The following PARP4 variants were observed in gnomAD, a reference collection of about 807,000 sequenced individuals.
The protein encoded by PARP4 is protein mono-ADP-ribosyltransferase PARP4.
A neutral mutation model predicts 187.7 loss-of-function variants in PARP4; 120 were observed. The observed-to-expected ratio is 0.64, with a 90% CI of 0.55 to 0.74. The LOEUF (loss-of-function observed/expected upper bound fraction) is 0.74. Among genes scored for constraint, PARP4 ranks in the 30% least tolerant of loss-of-function variants. The probability of loss-of-function intolerance (pLI) is 0.00; values close to 1 mark genes in which losing one functional copy is unlikely to be tolerated. For missense variants in PARP4, 1,836 were observed against 2,070.5 expected, an observed-to-expected ratio of 0.89 and a Z score of 2.20; for synonymous variants, 654 against 740.9, an observed-to-expected ratio of 0.88 and a Z score of 1.90.
chr13:24,490,822 T>G lies in PARP4; in HGVS notation c.1060A>C (p.Arg354=). The G allele has an allele frequency of 1.2e-6, 2 of 1,612,818 alleles. No individual in the cohort carries two copies. The highest frequency in any genetic ancestry group is 1.7e-6 in the Non-Finnish European group (2 of 1,179,306). Residue 354 remains arginine (R), a synonymous_variant, in exon 10 of 34, where the codon AGA becomes CGA. Coordinates refer to ENST00000381989, the MANE Select transcript of PARP4 (RefSeq NM_006437.4). ...GTTTCACAGACATTAACCATGTCTC[T>G]TATTAGCTGTAGGTGGAAATAATAC... ...AKKADLCQLI[R]DMVNVCETNL...
At chr13:24,428,956 G>A (rs1477823862) in intron 32 of PARP4, among the ~76,000 whole-genome samples, 2 of 152,150 alleles carry the variant, frequency 1.3e-5, no homozygotes, top group East Asian at 1.9e-4. Context: ...TTACACAAAT[G>A]TTAAACCTTT....
At chr13:24,440,813 G>A (rs1218867725) in intron 30 of PARP4, among the ~76,000 whole-genome samples, 2 of 152,120 alleles carry the variant, frequency 1.3e-5, no homozygotes, top group African/African-American at 4.8e-5. Flanking sequence ...AAAATAAAAA[G>A]GAATCTCATG....
At chr13:24,425,081 T>A (rs1223591880) in intron 33 of PARP4, among the ~76,000 whole-genome samples, 2 of 152,040 alleles carry the variant, frequency 1.3e-5, no homozygotes, top group Admixed American at 6.5e-5. Flanking sequence ...GCGGGAGGAT[T>A]GCTTGAGTTC....
At chr13:24,461,847 T>C (rs1001287932) in intron 17 of PARP4, among the ~76,000 whole-genome samples, 1 of 152,080 alleles carries the variant, frequency 6.6e-6, no homozygotes, top group African/African-American at 2.4e-5. Context: ...AGCCTTCCTT[T>C]CTAGCCCTGT....
chr13:24,475,386 C>T lies in PARP4; in HGVS notation c.1914+86G>A, dbSNP rs199703749. The T allele has an allele frequency of 3.2e-6, 4 of 1,232,858 alleles. No homozygotes were observed. In the East Asian group the frequency reaches 9.4e-5, roughly 29 times the overall value. 76.4% of individuals were successfully genotyped at this position (1,232,858 alleles called of 1,614,324 possible). On this transcript the variant is annotated intron_variant, in intron 15 of 33. Transcript: ENST00000381989. ...ATACATTTTAGAAATCTATCTATTC[C>T]CTTCAGTTCATGCAACTGCAATCAA...
At chr13:24,504,340 A>T in intron 1 of PARP4, among the ~76,000 whole-genome samples, 1 of 130,760 alleles carries the variant, frequency 7.6e-6, no homozygotes, top group South Asian at 2.4e-4. Context: ...TGGAGACGGA[A>T]TCTCACTCTG....
Position 24,478,212 on chromosome 13 carries a change from C to A in PARP4, c.1513G>T (p.Val505Leu). 1 of 1,613,568 alleles carries A rather than the reference C, an allele frequency of 6.2e-7. No individual in the cohort carries two copies. The highest frequency in any genetic ancestry group is 2.2e-5 in the East Asian group (1 of 44,872). ...AAGTCCATACACTTTCCGAGGGCTA[C>A]GTCACAAATGAGCAGGAGTCTGGTG... is the stretch of plus-strand genomic sequence containing the variant. ...DGTRLLLICD[V>L]ALGKCMDLHE... Residue 505 changes from valine to leucine, a missense_variant, in exon 13 of 34, where the codon GTA becomes TTA. Physicochemically the swap from Val to Leu is conservative, Grantham distance 32. Coordinates refer to ENST00000381989, the MANE Select transcript of PARP4 (RefSeq NM_006437.4).
At chr13:24,449,975 A>G (rs1871427248) in intron 24 of PARP4, among the ~76,000 whole-genome samples, 158 bp from the exon 25 acceptor site, 1 of 152,230 alleles carries the variant, frequency 6.6e-6, no homozygotes. Context: ...AAGTGATAAT[A>G]GAAGGAAACA....
chr13:24,436,095 T>A (rs1870626031), intron 30 of PARP4, among the ~76,000 whole-genome samples: 1 of 152,160 alleles, frequency 6.6e-6, no homozygotes, highest in South Asian at 2.1e-4. Context: ...TGCGGAATTT[T>A]AAACACCCCT....
intron 24 of PARP4, 68 bp from the exon 25 acceptor site, chr13:24,449,885 G>T: frequency 2.1e-6 from 2 of 957,418 alleles, no homozygotes; most frequent in African/African-American, 1.7e-5. Flanking sequence ...TGTTAACAGT[G>T]TTGAGAAAGC....
chr13:24,496,763 G>A (rs1333547656), intron 6 of PARP4, among the ~76,000 whole-genome samples: 2 of 152,206 alleles, frequency 1.3e-5, no homozygotes, highest in African/African-American at 2.4e-5. Context: ...AGTGGCTCAT[G>A]CCTGTAATCC....
chr13:24,452,640 T>C (rs1184574145), intron 23 of PARP4, 47 bp from the exon 24 acceptor site: 1 of 1,488,870 alleles, frequency 6.7e-7, no homozygotes, highest in East Asian at 2.3e-5. Context: ...TTGGATGCAG[T>C]CACCATTTGC....
chr13:24,498,998 C>T (rs1312911825), intron 5 of PARP4, among the ~76,000 whole-genome samples: 1 of 152,040 alleles, frequency 6.6e-6, no homozygotes, highest in African/African-American at 2.4e-5. Flanking sequence ...TAAACATTTT[C>T]TTGACTGTTA....
chr13:24,460,219 A>T (rs1872141065), intron 17 of PARP4, 83 bp from the exon 18 acceptor site: 7 of 1,165,954 alleles, frequency 6.0e-6, no homozygotes, highest in Non-Finnish European at 8.6e-6. Context: ...TTCTTAAGCA[A>T]CTTGAATGAC....
At chr13:24,510,734 A>ACCATTTT (rs1337918471) in intron 1 of PARP4, among the ~76,000 whole-genome samples, 4,532 of 151,986 alleles carry the variant, frequency 0.03, 220 homozygotes, top group African/African-American at 0.098. Flanking sequence ...ACAGTTTTTA[A>ACCATTTT]AACTGTGTGT....
At chr13:24,502,381 T>A (rs1004521915) in intron 2 of PARP4, among the ~76,000 whole-genome samples, 1 of 152,184 alleles carries the variant, frequency 6.6e-6, no homozygotes, top group African/African-American at 2.4e-5. Context: ...TTGTAGAATA[T>A]CTAAAAAATA....
intron 14 of PARP4, 142 bp downstream of exon 14, chr13:24,477,558 CA>C (rs1873047914): frequency 1.8e-6 from 1 of 556,980 alleles, no homozygotes; most frequent in Non-Finnish European, 3.1e-6. Flanking sequence ...TTGTGGGAAA[CA>C]ATTTTGAGAT....
intron 12 of PARP4, among the ~76,000 whole-genome samples, chr13:24,479,173 C>T (rs890300038): frequency 2.0e-5 from 3 of 152,182 alleles, no homozygotes; most frequent in Non-Finnish European, 4.4e-5. Flanking sequence ...TTGGACACAA[C>T]ATTTTGGAGA....
At chr13:24,468,044 A>G (rs1333375040) in intron 17 of PARP4, among the ~76,000 whole-genome samples, 1 of 152,160 alleles carries the variant, frequency 6.6e-6, no homozygotes, top group African/African-American at 2.4e-5. Context: ...GCCCCAGCAA[A>G]CATTAAATTT....
Sources: gnomAD v4.1 joint callset for allele counts (sites outside exome capture counted in the v4.1 genomes callset) on GRCh38, gnomAD v4.1.1 for gene constraint, MANE v1.5 for transcripts, NCBI Gene and HGNC (gene_info 2026-07-23, HGNC 2026-07-21) for gene names.